The following PCDH15 variants were observed in gnomAD, a reference collection of about 807,000 sequenced individuals.
The protein encoded by PCDH15 is protocadherin-15.
PCDH15 carries 129 observed loss-of-function variants against 178.5 expected under a neutral mutation model. The observed-to-expected ratio is 0.72, with a 90% CI of 0.63 to 0.84. PCDH15 has a LOEUF of 0.84. Among genes scored for constraint, PCDH15 ranks in the 40% least tolerant of loss-of-function variants. PCDH15 has a pLI of 0.00. For missense variants in PCDH15, 2,230 were observed against 2,099.9 expected (o/e 1.06, Z -1.21); for synonymous variants, 800 against 732.0 (o/e 1.09, Z -1.50).
intron 28 of PCDH15, among the ~76,000 whole-genome samples, chr10:53,844,967 C>T (rs866174611): frequency 3.9e-5 from 6 of 151,936 alleles, no homozygotes; most frequent in Middle Eastern, 3.4e-3. Context: ...AAAATATTTG[C>T]AAACTATCCA....
At chr10:54,556,116 A>T (rs1238746668) in intron 2 of PCDH15, among the ~76,000 whole-genome samples, 2 of 152,204 alleles carry the variant, frequency 1.3e-5, no homozygotes, top group East Asian at 3.8e-4. Flanking sequence ...CTATAAATAA[A>T]ATATTTAGCC....
At chr10:55,166,349 T>C (rs1564854928) in intron 2 of PCDH15, among the ~76,000 whole-genome samples, 1 of 152,292 alleles carries the variant, frequency 6.6e-6, no homozygotes, top group South Asian at 2.1e-4. Flanking sequence ...AACAGGTATT[T>C]CACTTCTCTA....
chr10:54,596,690 G>C (rs1052217277), intron 2 of PCDH15, among the ~76,000 whole-genome samples: 3 of 152,118 alleles, frequency 2.0e-5, no homozygotes, highest in Non-Finnish European at 2.9e-5. Flanking sequence ...ATTGTATGCT[G>C]TCTGCAAGAG....
At chr10:55,151,811 G>A (rs1260959279) in intron 2 of PCDH15, among the ~76,000 whole-genome samples, 1 of 152,046 alleles carries the variant, frequency 6.6e-6, no homozygotes. Context: ...GAAAAGCCAT[G>A]ATTCCAATTC....
chr10:53,842,378 C>T (rs1340345131), intron 28 of PCDH15, among the ~76,000 whole-genome samples: 1 of 152,002 alleles, frequency 6.6e-6, no homozygotes, highest in Non-Finnish European at 1.5e-5. Context: ...TGTCTCACGC[C>T]TGGATTACAG....
rs567502937 is a variant in PCDH15 at position 55,110,870 on chromosome 10, T to C, written c.-80+55706A>G. On this transcript the variant is annotated intron_variant, in intron 2 of 5. Transcript: ENST00000458638. ...GTTAGAAATTCAGTTTCTGTAATTATGACAATGTTGTTGCAGGCATTGACT... is the reference window on the plus strand; with the variant it reads ...GTTAGAAATTCAGTTTCTGTAATTACGACAATGTTGTTGCAGGCATTGACT... 5.9e-5 allele frequency among the ~76,000 whole-genome samples: 9 copies of C among 152,250 alleles called. No homozygotes were observed. In the South Asian group the frequency reaches 1.9e-3, roughly 32 times the overall value.
chr10:55,124,398 G>C (rs561351306), intron 2 of PCDH15, among the ~76,000 whole-genome samples: 1 of 152,048 alleles, frequency 6.6e-6, no homozygotes, highest in Admixed American at 6.6e-5. Context: ...AGATGATTTC[G>C]AATGATGTAA....
intron 3 of PCDH15, among the ~76,000 whole-genome samples, chr10:54,829,347 T>C (rs780032941): frequency 3.9e-5 from 6 of 151,902 alleles, no homozygotes; most frequent in African/African-American, 1.2e-4. Flanking sequence ...CTACTACTAC[T>C]ACCAATAATA....
chr10:54,745,315 A>C (rs1353945122), intron 1 of PCDH15, among the ~76,000 whole-genome samples: 1 of 144,058 alleles, frequency 6.9e-6, no homozygotes, highest in Non-Finnish European at 1.6e-5. Flanking sequence ...CTTTAACTAT[A>C]GGAAAAACTA....
intron 2 of PCDH15, among the ~76,000 whole-genome samples, chr10:55,022,784 C>T (rs10825438): frequency 0.57 from 83,336 of 146,702 alleles, 24,024 homozygotes; most frequent in East Asian, 0.75. Context: ...GATCTCGGCT[C>T]ACTGCAAGCT....
At chr10:55,260,276 A>G (rs983741410) in intron 1 of PCDH15, among the ~76,000 whole-genome samples, 2 of 152,226 alleles carry the variant, frequency 1.3e-5, no homozygotes, top group East Asian at 3.9e-4. Flanking sequence ...TTCTAATTTG[A>G]TTATTTCTGT....
At chr10:54,282,563 C>G (rs1240321200) in intron 8 of PCDH15, among the ~76,000 whole-genome samples, 1 of 151,902 alleles carries the variant, frequency 6.6e-6, no homozygotes, top group African/African-American at 2.4e-5. Flanking sequence ...TCTCTACAAT[C>G]AAGTAAAGCT....
intron 2 of PCDH15, among the ~76,000 whole-genome samples, chr10:54,622,709 TTA>T (rs1491447408): frequency 4.9e-4 from 15 of 30,728 alleles, no homozygotes; most frequent in Non-Finnish European, 8.5e-4. Flanking sequence ...TTTCTATATA[TTA>T]TATATAATAT....
At chr10:54,189,469 G>A in intron 11 of PCDH15, 1 of 908,340 alleles carries the variant, frequency 1.1e-6, no homozygotes, top group Non-Finnish European at 1.6e-6. Flanking sequence ...ACCACTTCCA[G>A]CACACTAGAC....
intron 1 of PCDH15, among the ~76,000 whole-genome samples, chr10:55,245,178 T>C (rs945046086): frequency 2.0e-5 from 3 of 152,142 alleles, no homozygotes; most frequent in Non-Finnish European, 4.4e-5. Flanking sequence ...AGTTACTGCT[T>C]CAGTTCTATT....
intron 2 of PCDH15, among the ~76,000 whole-genome samples, chr10:54,560,299 T>G (rs1262319710): frequency 6.6e-6 from 1 of 152,122 alleles, no homozygotes; most frequent in East Asian, 1.9e-4. Flanking sequence ...ATGTTGGTTA[T>G]GTATCGGCCT....
intron 28 of PCDH15, among the ~76,000 whole-genome samples, chr10:53,847,185 C>T (rs995927453): frequency 6.6e-6 from 1 of 152,038 alleles, no homozygotes; most frequent in Non-Finnish European, 1.5e-5. Context: ...AAAAATCTAA[C>T]CAATATGAAG....
Position 54,250,087 on chromosome 10 carries a change from T to G in PCDH15, c.877-13156A>C, listed in dbSNP as rs548594029. ...TGCCACCACATCCGGCTTTTTTTTT[T>G]TTTGTATTATTGGTTTCACCATTTT... On this transcript the variant is annotated intron_variant, in intron 8 of 37. Coordinates refer to ENST00000644397, the MANE Select transcript of PCDH15 (RefSeq NM_001384140.1). Among the ~76,000 whole-genome samples, 340 of 150,342 alleles carry G rather than the reference T, an allele frequency of 2.3e-3. 1 individual carries two copies. The highest frequency in any genetic ancestry group is 0.015 in the South Asian group (71 of 4,720).
At chr10:54,998,513 A>G (rs2131926599) in intron 2 of PCDH15, among the ~76,000 whole-genome samples, 1 of 152,260 alleles carries the variant, frequency 6.6e-6, no homozygotes, top group East Asian at 1.9e-4. Context: ...AAAAATTGAA[A>G]ATGTTTAGAT....
Sources: allele counts gnomAD v4.1 joint callset (sites outside exome capture counted in the v4.1 genomes callset), GRCh38; gene constraint gnomAD v4.1.1; transcripts MANE v1.5; gene names NCBI Gene and HGNC (gene_info 2026-07-23, HGNC 2026-07-21).